CYP7B1: variants seen among roughly 807,000 people sequenced by gnomAD.
CYP7B1 encodes cytochrome P450 family 7 subfamily B member 1, also known as cytochrome P450 7B1.
A neutral mutation model predicts 42.7 loss-of-function variants in CYP7B1; 29 were observed. The ratio of observed to expected loss-of-function variants is 0.68; its 90% CI spans 0.51 to 0.93. The LOEUF is 0.93. Among genes scored for constraint, CYP7B1 ranks in the 40% least tolerant of loss-of-function variants. The probability of loss-of-function intolerance (pLI) is 0.00; values close to 1 mark genes in which losing one functional copy is unlikely to be tolerated. For missense variants in CYP7B1, 655 were observed against 600.5 expected (o/e 1.09, Z -0.95); for synonymous variants, 235 against 218.2 (o/e 1.08, Z -0.68).
chr8:64,626,991 T>C (rs923083421), intron 1 of CYP7B1, among the ~76,000 whole-genome samples: 1 of 152,220 alleles, frequency 6.6e-6, no homozygotes, highest in Non-Finnish European at 1.5e-5. Flanking sequence ...AATTTCACTT[T>C]GAAAATAAAA....
chr8:64,751,261 C>G (rs1807721112), intron 1 of CYP7B1, among the ~76,000 whole-genome samples: 1 of 152,110 alleles, frequency 6.6e-6, no homozygotes, highest in African/African-American at 2.4e-5. Flanking sequence ...AGGTATATGT[C>G]CCTTATAAAC....
rs74816207 is a variant in CYP7B1 at position 64,641,088 on chromosome 8, C to A, written c.123-16549G>T. 6.1e-3 allele frequency among the ~76,000 whole-genome samples: 935 copies of A among 152,192 alleles called. 11 individuals are homozygous for A. Among genetic ancestry groups the A allele is most frequent in the African/African-American group, 0.022 (899 of 41,516 alleles). On this transcript the variant is annotated intron_variant, in intron 1 of 5. Transcript: ENST00000310193. ...CTATAGTGCAATAAACTTGTACGAA[C>A]AAAAATCTAATTTCCATATTCAACG... is the stretch of plus-strand genomic sequence containing the variant.
At chr8:64,686,058 G>A (rs1363617644) in intron 1 of CYP7B1, among the ~76,000 whole-genome samples, 1 of 129,936 alleles carries the variant, frequency 7.7e-6, no homozygotes, top group African/African-American at 3.0e-5. Context: ...GATGGGGGGG[G>A]TCAGCCCCCC....
At chr8:64,796,670 C>T (rs991957579) in intron 1 of CYP7B1, among the ~76,000 whole-genome samples, 1 of 152,106 alleles carries the variant, frequency 6.6e-6, no homozygotes, top group Non-Finnish European at 1.5e-5. Flanking sequence ...TTTTGTGTAT[C>T]TATGGTGTAT....
rs114275808 is a variant in CYP7B1, at chr8:64,731,876, G to T, written c.122+66590C>A. On this transcript the variant is annotated intron_variant, in intron 1 of 5. Coordinates refer to ENST00000310193, the MANE Select transcript of CYP7B1 (RefSeq NM_004820.5). The stretch of plus-strand genomic sequence containing the variant: ...TGAATTCAGAGGGTGTAAGCCCCAA[G>T]CCTTGGTGGCTTCCACGTGGTGTTT... Among the ~76,000 whole-genome samples the T allele has an allele frequency of 9.2e-3, 1,399 of 152,346 alleles. 19 individuals are homozygous for T. Among genetic ancestry groups the T allele is most frequent in the African/African-American group, 0.032 (1,327 of 41,564 alleles).
chr8:64,647,566 C>T (rs1383314242), intron 1 of CYP7B1, among the ~76,000 whole-genome samples: 2 of 152,122 alleles, frequency 1.3e-5, no homozygotes, highest in African/African-American at 2.4e-5. Context: ...AAGCTGGAGA[C>T]CCAGAAAACT....
chr8:64,793,860 C>T (rs917733448), intron 1 of CYP7B1, among the ~76,000 whole-genome samples: 2 of 151,734 alleles, frequency 1.3e-5, no homozygotes, highest in Non-Finnish European at 2.9e-5. Context: ...AATATGTCAC[C>T]TAGATATAAC....
In CYP7B1 at chr8:64,604,616, G is replaced by A. The variant is rs561685979; in HGVS notation, c.1233+66C>T. The A allele has an allele frequency of 3.8e-6, 6 of 1,587,116 alleles. No individual in the cohort carries two copies. In the South Asian group the frequency reaches 5.5e-5, roughly 15 times the overall value. ...ACCAAAGTGGCAAGAGGAAGAGATA[G>A]GGATGGAAGAGGAATGTGCCCACAG... is the stretch of plus-strand genomic sequence containing the variant. On this transcript the variant is annotated intron_variant, in intron 5 of 5. Transcript: ENST00000310193.
intron 1 of CYP7B1, among the ~76,000 whole-genome samples, chr8:64,764,447 T>C (rs1245601212): frequency 6.6e-6 from 1 of 151,894 alleles, no homozygotes; most frequent in African/African-American, 2.4e-5. Flanking sequence ...AAGAGAAAGA[T>C]AGAAGTAGTA....
intron 1 of CYP7B1, among the ~76,000 whole-genome samples, chr8:64,720,681 T>A (rs558486488): frequency 6.6e-6 from 1 of 152,324 alleles, no homozygotes; most frequent in East Asian, 1.9e-4. Flanking sequence ...GACCTAAATG[T>A]ATATACCATG....
intron 5 of CYP7B1, among the ~76,000 whole-genome samples, chr8:64,598,977 A>G (rs540269997): frequency 1.3e-5 from 2 of 152,284 alleles, no homozygotes; most frequent in African/African-American, 4.8e-5. Flanking sequence ...TAGGCATGGA[A>G]AACCTAAGCA....
chr8:64,644,201 G>A (rs1427664144), intron 1 of CYP7B1, among the ~76,000 whole-genome samples: 1 of 151,956 alleles, frequency 6.6e-6, no homozygotes, highest in Non-Finnish European at 1.5e-5. Context: ...GAACCCAGGA[G>A]GCTGAGGTTG....
chr8:64,654,706 A>G (rs1001735564), intron 1 of CYP7B1, among the ~76,000 whole-genome samples: 2 of 152,212 alleles, frequency 1.3e-5, no homozygotes, highest in Admixed American at 6.5e-5. Context: ...AAGAGCCCAA[A>G]TAGCCAAGGC....
intron 1 of CYP7B1, among the ~76,000 whole-genome samples, chr8:64,713,013 T>C (rs912822211): frequency 9.8e-5 from 15 of 152,296 alleles, no homozygotes; most frequent in African/African-American, 3.6e-4. Flanking sequence ...TCTCTTGAAC[T>C]GTAAGCTCCT....
rs1805058107 is a variant in CYP7B1 at position 64,592,904 on chromosome 8, A to G, written c.*3738T>C. 6.6e-6 allele frequency among the ~76,000 whole-genome samples: 1 copy of G among 152,204 alleles called. No individual in the cohort carries two copies. On this transcript the variant is annotated 3_prime_UTR_variant, in exon 6 of 6. Transcript: ENST00000310193. ...ACATGTTTTTCTATTTGTAAATACTATTTAGTTACTGGATTTAAGACTGTC... is the reference window on the plus strand; with the variant it reads ...ACATGTTTTTCTATTTGTAAATACTGTTTAGTTACTGGATTTAAGACTGTC...
chr8:64,722,353 G>A (rs1807248488), intron 1 of CYP7B1, among the ~76,000 whole-genome samples: 1 of 151,992 alleles, frequency 6.6e-6, no homozygotes, highest in Non-Finnish European at 1.5e-5. Context: ...TGAAAATATG[G>A]CTATGAATAT....
intron 1 of CYP7B1, among the ~76,000 whole-genome samples, chr8:64,743,869 T>C (rs1807604683): frequency 6.6e-6 from 1 of 152,184 alleles, no homozygotes; most frequent in African/African-American, 2.4e-5. Context: ...TCTTTCCATA[T>C]AAAGAAATTT....
chr8:64,750,900 T>C (rs1193896931), intron 1 of CYP7B1, among the ~76,000 whole-genome samples: 1 of 152,192 alleles, frequency 6.6e-6, no homozygotes, highest in Non-Finnish European at 1.5e-5. Flanking sequence ...GCATCACTGA[T>C]GCTACCTGTC....
chr8:64,624,124 T>A (rs908409919), intron 2 of CYP7B1, among the ~76,000 whole-genome samples: 21 of 151,930 alleles, frequency 1.4e-4, no homozygotes, highest in South Asian at 4.2e-4. Context: ...ATATATATTT[T>A]TTTTTCTACC....
Sources: allele counts gnomAD v4.1 joint callset (sites outside exome capture counted in the v4.1 genomes callset), GRCh38; gene constraint gnomAD v4.1.1; transcripts MANE v1.5; gene names NCBI Gene and HGNC (gene_info 2026-07-23, HGNC 2026-07-21).